The following SH3PXD2B variants were observed in gnomAD, a reference collection of about 807,000 sequenced individuals.
SH3PXD2B encodes SH3 and PX domain-containing protein 2B.
A neutral mutation model predicts 73.1 loss-of-function variants in SH3PXD2B; 37 were observed. The ratio of observed to expected loss-of-function variants is 0.51; its 90% CI spans 0.39 to 0.67. The LOEUF (loss-of-function observed/expected upper bound fraction) is 0.67, where lower values mean the gene tolerates loss of function less well. Ranked by LOEUF, SH3PXD2B falls within the 30% of genes least tolerant of loss-of-function variation. The pLI, the probability that SH3PXD2B is intolerant of heterozygous loss-of-function variation, is 0.00. For missense variants in SH3PXD2B, 1,053 were observed against 1,197.8 expected (o/e 0.88, Z 1.78); for synonymous variants, 457 against 480.5 (o/e 0.95, Z 0.64).
At position 172,445,956 on chromosome 5, in the gene SH3PXD2B, G is replaced by A. The variant is rs1022416229; in HGVS notation, c.75+8322C>T. On this transcript the variant is annotated intron_variant, in intron 1 of 12. Transcript: ENST00000311601. This position sits in a 1 kb window ranked among gnomAD's most constrained non-coding sequence, Gnocchi z 5.2. ...AGGTCCGCAGGCTTCTGCAGAGGCA[G>A]AGTCCGGAGGAGGCAGCCACACGAG... Among the ~76,000 whole-genome samples, 2 of 152,256 alleles carry A rather than the reference G, an allele frequency of 1.3e-5. No individual in the cohort carries two copies. Among genetic ancestry groups the A allele is most frequent in the African/African-American group, 4.8e-5 (2 of 41,472 alleles).
intron 4 of SH3PXD2B, among the ~76,000 whole-genome samples, chr5:172,385,885 A>G (rs1758050761): frequency 6.6e-6 from 1 of 152,232 alleles, no homozygotes; most frequent in African/African-American, 2.4e-5. Flanking sequence ...GGCTACCAGT[A>G]AAAAATGACC....
At chr5:172,422,334 TG>T in intron 2 of SH3PXD2B, 81 bp downstream of exon 2, 1 of 1,301,882 alleles carries the variant, frequency 7.7e-7, no homozygotes. Flanking sequence ...AAAAAAATTC[TG>T]GACTCTAAAG....
At chr5:172,384,733 G>A (rs916411013) in intron 4 of SH3PXD2B, among the ~76,000 whole-genome samples, 11 of 152,264 alleles carry the variant, frequency 7.2e-5, no homozygotes, top group African/African-American at 1.7e-4. Context: ...TGGATACACC[G>A]CATTTTGCTT....
intron 1 of SH3PXD2B, among the ~76,000 whole-genome samples, chr5:172,448,809 A>AC (rs1389661842): frequency 6.6e-6 from 1 of 152,164 alleles, no homozygotes; most frequent in Non-Finnish European, 1.5e-5. Flanking sequence ...CCAGATGTTT[A>AC]CCTCTAACAC....
chr5:172,346,652 C>T (rs894724405), intron 11 of SH3PXD2B, among the ~76,000 whole-genome samples: 1 of 152,092 alleles, frequency 6.6e-6, no homozygotes, highest in African/African-American at 2.4e-5. Context: ...TCAGTTTTCT[C>T]TCCTGCAGAG....
At position 172,368,470 on chromosome 5, in the gene SH3PXD2B, A is replaced by ATATGT. The variant is rs1757579647; in HGVS notation, c.427+5319_427+5320insACATA. Among the ~76,000 whole-genome samples, 3 of 24,526 alleles carry ATATGT rather than the reference A, an allele frequency of 1.2e-4. 1 individual carries two copies. Among genetic ancestry groups the ATATGT allele is most frequent in the African/African-American group, 6.0e-4 (3 of 4,978 alleles). The allele number at this position is 24,526 out of a possible 152,430, so 16.1% of individuals were successfully genotyped here. A position where few individuals can be genotyped will look rare whatever the true frequency, so the allele number is the denominator to read the frequency against. ...AAGAATGCTTATATATATATATATT[A>ATATGT]TATATATATATAAAATATATATATA... On this transcript the variant is annotated intron_variant, in intron 6 of 12. Transcript: ENST00000311601.
chr5:172,351,492 C>T (rs1010405802), intron 9 of SH3PXD2B, among the ~76,000 whole-genome samples: 7 of 152,162 alleles, frequency 4.6e-5, no homozygotes, highest in Non-Finnish European at 1.0e-4. Flanking sequence ...TGCAGTCAGT[C>T]ACACCAGCTG....
At chr5:172,384,956 A>T (rs1758026907) in intron 4 of SH3PXD2B, among the ~76,000 whole-genome samples, 1 of 152,182 alleles carries the variant, frequency 6.6e-6, no homozygotes, top group Non-Finnish European at 1.5e-5. Context: ...CGATTTTTAA[A>T]ATTAGCCTTT....
At position 172,422,064 on chromosome 5, in the gene SH3PXD2B, G is replaced by A. The variant is rs528584699; in HGVS notation, c.156+352C>T. Among the ~76,000 whole-genome samples the A allele has an allele frequency of 3.3e-5, 5 of 150,736 alleles. No homozygotes were observed. In the South Asian group the frequency reaches 8.4e-4, roughly 25 times the overall value. On this transcript the variant is annotated intron_variant, in intron 2 of 12. Transcript: ENST00000311601. The stretch of plus-strand genomic sequence containing the variant: ...GGCTGGAGTGCAATGGCACGATCTC[G>A]GCTCACTGCAACCTCTGCCTCCCGG...
intron 10 of SH3PXD2B, among the ~76,000 whole-genome samples, chr5:172,349,646 G>A (rs572272871): frequency 6.6e-6 from 1 of 152,132 alleles, no homozygotes; most frequent in Admixed American, 6.5e-5. Flanking sequence ...CTAGCTGGGG[G>A]CCTTGGGCAC....
At chr5:172,363,598 A>G (rs967627292) in intron 6 of SH3PXD2B, among the ~76,000 whole-genome samples, 10 of 152,196 alleles carry the variant, frequency 6.6e-5, no homozygotes, top group Admixed American at 6.5e-4. Context: ...AGGAGGTGAC[A>G]TAACGCAGGG....
chr5:172,367,403 T>C lies in SH3PXD2B; in HGVS notation c.428-4534A>G, dbSNP rs1183982312. ...CCCTCTCATCAGTTTTTTTTTTTTT[T>C]TTCAAATAGATTTGGGGTTTCACCA... On this transcript the variant is annotated intron_variant, in intron 6 of 12. Coordinates refer to ENST00000311601, the MANE Select transcript of SH3PXD2B (RefSeq NM_001017995.3). Among the ~76,000 whole-genome samples the C allele has an allele frequency of 1.0e-3, 153 of 151,530 alleles. 2 individuals are homozygous for C. The highest frequency in any genetic ancestry group is 3.3e-4 in the Admixed American group (5 of 15,220).
downstream of SH3PXD2B, among the ~76,000 whole-genome samples, chr5:172,329,499 T>G (rs1756512848): frequency 2.0e-5 from 3 of 151,176 alleles, no homozygotes; most frequent in South Asian, 6.3e-4. Flanking sequence ...AATGAGGACA[T>G]AGTTTATTGT....
At chr5:172,438,485 CAG>C (rs1432415857) in intron 1 of SH3PXD2B, among the ~76,000 whole-genome samples, 1 of 152,180 alleles carries the variant, frequency 6.6e-6, no homozygotes, top group Non-Finnish European at 1.5e-5. Context: ...CAGGGCCACA[CAG>C]TCAAAAACCA....
chr5:172,354,072 G>T, intron 8 of SH3PXD2B, 67 bp from the exon 9 acceptor site: 1 of 1,438,212 alleles, frequency 7.0e-7, no homozygotes, highest in Non-Finnish European at 9.8e-7. Flanking sequence ...CGTAATCCCC[G>T]TGATGCCCTT....
At chr5:172,405,281 C>T (rs971567938) in intron 3 of SH3PXD2B, among the ~76,000 whole-genome samples, 2 of 152,260 alleles carry the variant, frequency 1.3e-5, no homozygotes, top group Non-Finnish European at 2.9e-5. Context: ...GGATGTGCCG[C>T]CCTAATCCCC....
At chr5:172,440,730 C>G (rs1759536211) in intron 1 of SH3PXD2B, among the ~76,000 whole-genome samples, 1 of 152,188 alleles carries the variant, frequency 6.6e-6, no homozygotes. Context: ...AGCTGCGAGG[C>G]AAGGCCATGC....
intron 2 of SH3PXD2B, among the ~76,000 whole-genome samples, chr5:172,410,969 TA>T (rs1359876237): frequency 1.3e-5 from 2 of 152,208 alleles, no homozygotes; most frequent in African/African-American, 2.4e-5. Flanking sequence ...TCTTTTTGCC[TA>T]AGACCACTCT....
At chr5:172,452,235 C>A (rs909619139) in intron 1 of SH3PXD2B, among the ~76,000 whole-genome samples, 3 of 152,144 alleles carry the variant, frequency 2.0e-5, no homozygotes, top group Non-Finnish European at 4.4e-5. Context: ...ATCTGAATCC[C>A]AATCTATGTT....
Sources: allele counts gnomAD v4.1 joint callset (sites outside exome capture counted in the v4.1 genomes callset), GRCh38; gene constraint gnomAD v4.1.1; non-coding constraint Gnocchi (gnomAD v3.1); transcripts MANE v1.5; gene names NCBI Gene and HGNC (gene_info 2026-07-23, HGNC 2026-07-21).